Variants in SLC22A24 observed in about 807,000 individuals in gnomAD.
The protein encoded by SLC22A24 is solute carrier family 22 member 24.
SLC22A24 carries 53 observed loss-of-function variants against 49.8 expected under a neutral mutation model. That is an observed-to-expected ratio of 1.06 (90% CI 0.85 to 1.34). The LOEUF (loss-of-function observed/expected upper bound fraction) is 1.34. Among genes scored for constraint, SLC22A24 ranks in the 40% most tolerant of loss-of-function variants. SLC22A24 has a pLI of 0.00. For synonymous variants in SLC22A24, 302 were observed against 256.4 expected (o/e 1.18, Z -1.70); for missense variants, 786 against 675.9 (o/e 1.16, Z -1.81).
intron 4 of SLC22A24, among the ~76,000 whole-genome samples, chr11:63,112,100 G>A (rs1380289841): frequency 5.3e-5 from 8 of 151,914 alleles, no homozygotes; most frequent in African/African-American, 9.7e-5. Flanking sequence ...CCTTCATTTC[G>A]TTATGTACCC....
intron 7 of SLC22A24, 60 bp downstream of exon 7, chr11:63,083,183 A>G (rs557560266): frequency 8.7e-6 from 12 of 1,380,670 alleles, no homozygotes; most frequent in East Asian, 2.5e-5. Context: ...TAAAAGACCA[A>G]TGTAATCCCT....
At chr11:63,094,656 T>C (rs1480620965) in intron 6 of SLC22A24, among the ~76,000 whole-genome samples, 25 of 152,314 alleles carry the variant, frequency 1.6e-4, no homozygotes, top group Middle Eastern at 3.4e-3. Context: ...TTTCCTGACT[T>C]TTTAATGATC....
chr11:63,098,353 G>T (rs1312073570), intron 5 of SLC22A24, among the ~76,000 whole-genome samples: 1 of 152,110 alleles, frequency 6.6e-6, no homozygotes, highest in African/African-American at 2.4e-5. Flanking sequence ...AGCAATTAGT[G>T]CCTACATCCA....
intron 1 of SLC22A24, chr11:63,137,973 T>C (rs572310028): frequency 6.6e-6 from 1 of 152,266 alleles, no homozygotes; most frequent in Non-Finnish European, 1.5e-5. Flanking sequence ...AAGGGTTTGA[T>C]TAATAAAAAA....
At chr11:63,114,311 A>G (rs998737152) in intron 4 of SLC22A24, among the ~76,000 whole-genome samples, 4 of 152,082 alleles carry the variant, frequency 2.6e-5, no homozygotes, top group African/African-American at 9.7e-5. Context: ...TATTTCATTA[A>G]TTTGATCTTC....
intron 4 of SLC22A24, among the ~76,000 whole-genome samples, chr11:63,114,214 A>AT (rs1189243631): frequency 1.3e-5 from 2 of 152,174 alleles, no homozygotes; most frequent in South Asian, 4.2e-4. Context: ...TTAAACATAG[A>AT]TTTTGTCTTT....
At chr11:63,102,627 T>A (rs2087098205) in intron 5 of SLC22A24, among the ~76,000 whole-genome samples, 1 of 152,264 alleles carries the variant, frequency 6.6e-6, no homozygotes, top group Non-Finnish European at 1.5e-5. Context: ...AAAAAGCCTG[T>A]GTAACCCCAC....
intron 1 of SLC22A24, among the ~76,000 whole-genome samples, chr11:63,140,689 A>G (rs2087409376): frequency 6.6e-6 from 1 of 152,232 alleles, no homozygotes; most frequent in Non-Finnish European, 1.5e-5. Context: ...TCACTAAAAA[A>G]CAAAAGTAGC....
intron 6 of SLC22A24, among the ~76,000 whole-genome samples, chr11:63,095,227 C>T (rs2087046591): frequency 6.6e-6 from 1 of 151,590 alleles, no homozygotes; most frequent in Non-Finnish European, 1.5e-5. Flanking sequence ...ATTTGCACAT[C>T]CAGTTTGGAA....
At position 63,119,242 on chromosome 11, in the gene SLC22A24, G is replaced by A. The variant is rs776397966; in HGVS notation, c.600C>T (p.Cys200=). The A allele has an allele frequency of 1.9e-6, 3 of 1,551,468 alleles. No homozygotes were observed. In the South Asian group the frequency reaches 3.6e-5, roughly 18 times the overall value. The change falls in exon 3 of 10, where the codon TGC becomes TGT. Residue 200 remains cysteine, a synonymous_variant. Transcript: ENST00000612278. ...AGAACCCTGCCAAGAAGCGCAGTAT[G>A]CAGTAAACAAGGAAGGTGGGAGCGA... ...AAFAPTFLVY[C]ILRFLAGFST...
At chr11:63,082,149 G>A (rs1012132778) in intron 7 of SLC22A24, among the ~76,000 whole-genome samples, 1 of 152,124 alleles carries the variant, frequency 6.6e-6, no homozygotes, top group Admixed American at 6.5e-5. Context: ...CTAAGAATGT[G>A]GGAACAATTT....
chr11:63,101,070 G>A (rs1282998287), intron 5 of SLC22A24, among the ~76,000 whole-genome samples: 1 of 152,010 alleles, frequency 6.6e-6, no homozygotes, highest in Non-Finnish European at 1.5e-5. Flanking sequence ...ATGTTAAAAA[G>A]CTTCTGCACA....
chr11:63,095,378 A>T (rs2087047497), intron 6 of SLC22A24, among the ~76,000 whole-genome samples: 1 of 152,190 alleles, frequency 6.6e-6, no homozygotes, highest in African/African-American at 2.4e-5. Flanking sequence ...TATAAGAGAA[A>T]ATGACCTACA....
At chr11:63,112,058 CTCGTTGGTT>C (rs982810177) in intron 4 of SLC22A24, among the ~76,000 whole-genome samples, 2 of 151,926 alleles carry the variant, frequency 1.3e-5, no homozygotes, top group African/African-American at 4.8e-5. Context: ...TGTCTTTGGT[CTCGTTGGTT>C]TCAAAGAACA....
At chr11:63,116,037 TG>T in intron 4 of SLC22A24, 1 of 335,556 alleles carries the variant, frequency 3.0e-6, no homozygotes, top group Non-Finnish European at 5.6e-6. Context: ...AAGCTTGAGG[TG>T]GGCAATGTAG....
intron 4 of SLC22A24, 95 bp downstream of exon 4, chr11:63,118,817 G>A: frequency 3.8e-6 from 5 of 1,310,256 alleles, no homozygotes; most frequent in Non-Finnish European, 4.3e-6. Context: ...CTCAGGACTA[G>A]GCCAGAGACC....
chr11:63,131,308 G>A (rs956208759), intron 2 of SLC22A24, among the ~76,000 whole-genome samples: 36 of 152,182 alleles, frequency 2.4e-4, no homozygotes, highest in Non-Finnish European at 2.2e-4. Flanking sequence ...GTTTGAATTC[G>A]AGCCTGTCAT....
chr11:63,127,831 ATTTG>A (rs1336800608), intron 2 of SLC22A24, among the ~76,000 whole-genome samples: 3 of 151,456 alleles, frequency 2.0e-5, no homozygotes, highest in African/African-American at 4.9e-5. Context: ...TTTTTTGTAA[ATTTG>A]TTTAAGTTCT....
At chr11:63,093,819 C>A (rs1222266260) in intron 6 of SLC22A24, among the ~76,000 whole-genome samples, 2 of 151,970 alleles carry the variant, frequency 1.3e-5, no homozygotes, top group African/African-American at 4.8e-5. Context: ...TATTACAAAC[C>A]TGCACATGTG....
Sources: allele counts gnomAD v4.1 joint callset (sites outside exome capture counted in the v4.1 genomes callset), GRCh38; gene constraint gnomAD v4.1.1; transcripts MANE v1.5; gene names NCBI Gene and HGNC (gene_info 2026-07-23, HGNC 2026-07-21).